The following RERE variants were observed in gnomAD, a reference collection of about 807,000 sequenced individuals.
RERE encodes the protein arginine-glutamic acid dipeptide repeats, also known as arginine-glutamic acid dipeptide repeats protein.
RERE carries 40 observed loss-of-function variants against 146.1 expected under a neutral mutation model. The ratio of observed to expected loss-of-function variants is 0.27; its 90% confidence interval spans 0.21 to 0.36. The LOEUF is 0.36. RERE is among the 10% of genes least tolerant of loss of function. The pLI is 1.00. For synonymous variants in RERE, 1,003 were observed against 866.0 expected (o/e 1.16, Z -2.78); for missense variants, 1,933 against 2,138.7 (o/e 0.90, Z 1.90).
chr1:8,662,957 T>A (rs1570580406), intron 1 of RERE, among the ~76,000 whole-genome samples: 1 of 152,348 alleles, frequency 6.6e-6, no homozygotes, highest in African/African-American at 2.4e-5. Context: ...ACTTATAGAT[T>A]GCAAAGTGCT....
At chr1:8,619,397 T>C (rs770783478) in intron 3 of RERE, among the ~76,000 whole-genome samples, 19 of 152,190 alleles carry the variant, frequency 1.2e-4, no homozygotes, top group Non-Finnish European at 7.3e-5. Context: ...ATCAATATCA[T>C]TAACCCAAAA....
At chr1:8,612,307 G>GTT (rs1646802159) in intron 4 of RERE, among the ~76,000 whole-genome samples, 1 of 152,190 alleles carries the variant, frequency 6.6e-6, no homozygotes, top group Non-Finnish European at 1.5e-5. Context: ...CAGGATTTAT[G>GTT]AGAACTCCAC....
chr1:8,659,000 T>C (rs1447791459), intron 1 of RERE, among the ~76,000 whole-genome samples: 2 of 152,228 alleles, frequency 1.3e-5, no homozygotes, highest in East Asian at 1.9e-4. Flanking sequence ...AAGGAACGCA[T>C]GTAGCACAAA....
chr1:8,539,798 T>C (rs967758727), intron 7 of RERE, among the ~76,000 whole-genome samples: 1 of 152,150 alleles, frequency 6.6e-6, no homozygotes, highest in African/African-American at 2.4e-5. Context: ...TAGCTTCTGA[T>C]GCTGTCTAGA....
At chr1:8,670,986 G>A (rs1018403670) in intron 1 of RERE, among the ~76,000 whole-genome samples, 12 of 152,208 alleles carry the variant, frequency 7.9e-5, no homozygotes, top group African/African-American at 2.9e-4. Flanking sequence ...GAGAAAAAAG[G>A]AGGCCAAGGA....
chr1:8,774,738 T>C (rs1641027092), intron 1 of RERE, among the ~76,000 whole-genome samples: 1 of 151,934 alleles, frequency 6.6e-6, no homozygotes, highest in Non-Finnish European at 1.5e-5. Flanking sequence ...TAATAGTCTA[T>C]TATACAGAAT....
At chr1:8,403,511 G>A (rs900334017) in intron 12 of RERE, among the ~76,000 whole-genome samples, 6 of 147,720 alleles carry the variant, frequency 4.1e-5, no homozygotes, top group African/African-American at 1.0e-4. Context: ...GATTATAGGC[G>A]CCCACCACCA....
intron 3 of RERE, among the ~76,000 whole-genome samples, chr1:8,619,013 G>A (rs1646887462): frequency 6.6e-6 from 1 of 152,166 alleles, no homozygotes. Flanking sequence ...GAAATTCCAA[G>A]TGTTTTTCCT....
chr1:8,431,712 TAATA>T (rs1402240633), intron 11 of RERE, among the ~76,000 whole-genome samples: 2 of 152,186 alleles, frequency 1.3e-5, no homozygotes, highest in Non-Finnish European at 2.9e-5. Flanking sequence ...CTTTCTTCAA[TAATA>T]AATTAACCTT....
chr1:8,603,010 T>G (rs1401671002), intron 4 of RERE, among the ~76,000 whole-genome samples: 1 of 152,106 alleles, frequency 6.6e-6, no homozygotes, highest in Admixed American at 6.5e-5. Flanking sequence ...TACAGAGGCA[T>G]GATGTGAGAA....
chr1:8,401,483 G>C (rs1643262359), intron 12 of RERE, among the ~76,000 whole-genome samples: 1 of 151,840 alleles, frequency 6.6e-6, no homozygotes, highest in Non-Finnish European at 1.5e-5. Flanking sequence ...TCTATAACTG[G>C]GTGCAGTGGC....
chr1:8,399,916 C>G (rs954011795), intron 12 of RERE, among the ~76,000 whole-genome samples: 3 of 150,942 alleles, frequency 2.0e-5, no homozygotes, highest in African/African-American at 7.3e-5. Flanking sequence ...TTTTAAGAGA[C>G]AGAGTCTCAC....
intron 1 of RERE, among the ~76,000 whole-genome samples, chr1:8,752,887 A>G (rs902104915): frequency 1.3e-5 from 2 of 152,198 alleles, no homozygotes; most frequent in South Asian, 2.1e-4. Flanking sequence ...CTATTTAAAG[A>G]AACTTTTGAT....
chr1:8,458,283 AGTGT>A (rs1322979187), intron 11 of RERE, among the ~76,000 whole-genome samples: 4 of 152,098 alleles, frequency 2.6e-5, no homozygotes, highest in Non-Finnish European at 5.9e-5. Flanking sequence ...AGTGGCTGAA[AGTGT>A]ATGCTATCTC....
chr1:8,769,100 G>A (rs943336977), intron 1 of RERE, among the ~76,000 whole-genome samples: 2 of 152,158 alleles, frequency 1.3e-5, no homozygotes, highest in African/African-American at 4.8e-5. Context: ...TGACCATCTG[G>A]CCCACGCAGC....
At chr1:8,588,161 G>A (rs1484913659) in intron 4 of RERE, among the ~76,000 whole-genome samples, 1 of 152,142 alleles carries the variant, frequency 6.6e-6, no homozygotes, top group Non-Finnish European at 1.5e-5. Flanking sequence ...TTTCCCTCCT[G>A]CGCAATGGAC....
At chr1:8,735,612 T>G (rs1457285753) in intron 1 of RERE, among the ~76,000 whole-genome samples, 1 of 152,110 alleles carries the variant, frequency 6.6e-6, no homozygotes, top group Admixed American at 6.5e-5. Context: ...CACCCAAATC[T>G]CATGTCAAAT....
intron 10 of RERE, among the ~76,000 whole-genome samples, chr1:8,481,569 A>T (rs1644834984): frequency 6.6e-6 from 1 of 152,250 alleles, no homozygotes; most frequent in Non-Finnish European, 1.5e-5. Context: ...TGTTATGAAG[A>T]TTAAATGAAT....
intron 2 of RERE, among the ~76,000 whole-genome samples, chr1:8,647,770 G>A (rs917201697): frequency 3.3e-5 from 5 of 151,292 alleles, no homozygotes; most frequent in African/African-American, 7.3e-5. Flanking sequence ...AGAAGCTTTC[G>A]ATGATTCAGA....
Sources: allele counts gnomAD v4.1 joint callset (sites outside exome capture counted in the v4.1 genomes callset), GRCh38; gene constraint gnomAD v4.1.1; transcripts MANE v1.5; gene names NCBI Gene and HGNC (gene_info 2026-07-23, HGNC 2026-07-21).